The following AUTS2 variants were observed in gnomAD, a reference collection of about 807,000 sequenced individuals.
The protein encoded by AUTS2 is activator of transcription and developmental regulator AUTS2, also known as autism susceptibility gene 2 protein.
In AUTS2, 17 loss-of-function variants were observed where a neutral mutation model predicts 112.4. The observed-to-expected ratio is 0.15, with a 90% CI of 0.10 to 0.23. The LOEUF is 0.23. Ranked by LOEUF, AUTS2 falls within the 10% of genes least tolerant of loss-of-function variation. The pLI, the probability that AUTS2 is intolerant of heterozygous loss-of-function variation, is 1.00. For synonymous variants in AUTS2, 751 were observed against 702.7 expected, an observed-to-expected ratio of 1.07 and a Z score of -1.09; for missense variants, 1,510 against 1,701.6, an observed-to-expected ratio of 0.89 and a Z score of 1.98.
intron 5 of AUTS2, among the ~76,000 whole-genome samples, chr7:70,470,304 A>G (rs1797330549): frequency 6.6e-6 from 1 of 152,228 alleles, no homozygotes. Flanking sequence ...AAGGAGCATC[A>G]GTGAACCAGT....
At chr7:69,730,819 A>G (rs949280741) in intron 1 of AUTS2, among the ~76,000 whole-genome samples, 4 of 152,214 alleles carry the variant, frequency 2.6e-5, no homozygotes, top group Admixed American at 6.5e-5. Context: ...AAAATGAACC[A>G]CCATGCTATT....
At chr7:70,680,215 T>C (rs1808137283) in intron 5 of AUTS2, among the ~76,000 whole-genome samples, 1 of 152,202 alleles carries the variant, frequency 6.6e-6, no homozygotes, top group South Asian at 2.1e-4. Context: ...AAAATATTTA[T>C]TTTTCAGCAC....
At chr7:69,828,486 C>A (rs184489795) in intron 1 of AUTS2, among the ~76,000 whole-genome samples, 10 of 152,190 alleles carry the variant, frequency 6.6e-5, no homozygotes, top group African/African-American at 1.9e-4. Flanking sequence ...ATTGATCAGC[C>A]TGAGTCCATT....
chr7:70,592,588 C>T (rs3903244), intron 5 of AUTS2, among the ~76,000 whole-genome samples: 34,286 of 151,968 alleles, frequency 0.23, 4,193 homozygotes, highest in Middle Eastern at 0.31. Flanking sequence ...TCTCGAACTC[C>T]TGACCTCAAA....
At chr7:70,725,818 G>C (rs1268283409) in intron 6 of AUTS2, among the ~76,000 whole-genome samples, 1 of 152,090 alleles carries the variant, frequency 6.6e-6, no homozygotes. Flanking sequence ...GTCCTTAATT[G>C]TCCTCCCCTT....
At chr7:70,570,073 C>T (rs1209445010) in intron 5 of AUTS2, among the ~76,000 whole-genome samples, 1 of 152,124 alleles carries the variant, frequency 6.6e-6, no homozygotes, top group Non-Finnish European at 1.5e-5. Flanking sequence ...GTGCTTATAC[C>T]TTGTTTTAAT....
chr7:70,645,107 T>C (rs1295700986), intron 5 of AUTS2, among the ~76,000 whole-genome samples: 3 of 152,206 alleles, frequency 2.0e-5, no homozygotes, highest in Non-Finnish European at 4.4e-5. Flanking sequence ...ATTTCCTTCA[T>C]CTTCCTTCAG....
At chr7:69,967,255 G>T (rs1422616647) in intron 2 of AUTS2, among the ~76,000 whole-genome samples, 1 of 152,116 alleles carries the variant, frequency 6.6e-6, no homozygotes, top group Non-Finnish European at 1.5e-5. Flanking sequence ...GGGGAGTGCT[G>T]GAATTCATTA....
At position 69,914,342 on chromosome 7, in the gene AUTS2, GAC is replaced by G. The variant is rs372734634; in HGVS notation, c.522+14856_522+14857del. On this transcript the variant is annotated intron_variant, in intron 2 of 18. Coordinates refer to ENST00000342771, the MANE Select transcript of AUTS2 (RefSeq NM_015570.4). ...AAAAAAAAGCACACACACAGACACA[GAC>G]ACACACACACAGACACACACACACA... 1.5e-3 allele frequency among the ~76,000 whole-genome samples: 130 copies of G among 85,622 alleles called. 1 individual carries two copies. The highest frequency in any genetic ancestry group is 1.4e-3 in the Non-Finnish European group (61 of 42,808). The allele number at this position is 85,622 out of a possible 152,430, so 56.2% of individuals were successfully genotyped here.
chr7:70,676,265 C>T (rs537077609), intron 5 of AUTS2, among the ~76,000 whole-genome samples: 1 of 149,962 alleles, frequency 6.7e-6, no homozygotes, highest in African/African-American at 2.5e-5. Flanking sequence ...ACATGGAAAA[C>T]CCCATGTCTA....
chr7:70,440,020 C>G (rs1275022305), intron 5 of AUTS2, among the ~76,000 whole-genome samples: 1 of 152,060 alleles, frequency 6.6e-6, no homozygotes, highest in South Asian at 2.1e-4. Flanking sequence ...TGTGGACAAG[C>G]CTTGGCTTTC....
intron 4 of AUTS2, among the ~76,000 whole-genome samples, chr7:70,373,712 C>T (rs1792951576): frequency 6.6e-6 from 1 of 152,090 alleles, no homozygotes; most frequent in Non-Finnish European, 1.5e-5. Context: ...CTTTTTTTCT[C>T]ATTACAAAAT....
Position 70,134,547 on chromosome 7 carries a change from T to A in AUTS2, c.636T>A (p.Pro212=). Residue 212 remains proline, a synonymous_variant, in exon 4 of 19, where the codon CCT becomes CCA. Transcript: ENST00000342771. ...SRERLSDSSA[P]SSLGTGYFCD... Reference sequence around the variant, plus strand: ...ATGCTTTATTGCAGAGTTCAGCTCCTTCCAGCTTGGGAACAGGCTACTTCG... The same window carrying A: ...ATGCTTTATTGCAGAGTTCAGCTCCATCCAGCTTGGGAACAGGCTACTTCG... The A allele has an allele frequency of 1.2e-6, 2 of 1,613,900 alleles. No homozygotes were observed. Among genetic ancestry groups the A allele is most frequent in the Non-Finnish European group, 1.7e-6 (2 of 1,179,784 alleles).
chr7:70,371,283 C>T (rs1043725864), intron 4 of AUTS2, among the ~76,000 whole-genome samples: 2 of 152,210 alleles, frequency 1.3e-5, no homozygotes, highest in African/African-American at 4.8e-5. Flanking sequence ...AAAATCTCCT[C>T]ACATGATTCT....
At chr7:70,411,215 G>T (rs1028089093) in intron 4 of AUTS2, among the ~76,000 whole-genome samples, 1 of 152,152 alleles carries the variant, frequency 6.6e-6, no homozygotes, top group Admixed American at 6.5e-5. Context: ...AAAAAAAATG[G>T]GATTCTCCTT....
chr7:70,416,281 C>A (rs1249756108), intron 4 of AUTS2, among the ~76,000 whole-genome samples: 1 of 152,182 alleles, frequency 6.6e-6, no homozygotes, highest in Non-Finnish European at 1.5e-5. Flanking sequence ...CAACCCATCA[C>A]ACTTTGGAAA....
intron 10 of AUTS2, among the ~76,000 whole-genome samples, chr7:70,770,619 A>G (rs1356219764): frequency 6.6e-6 from 1 of 152,160 alleles, no homozygotes; most frequent in Non-Finnish European, 1.5e-5. Context: ...GTGTCCTTTT[A>G]TAGGCTGTTG....
At chr7:70,196,544 G>A (rs1041831900) in intron 4 of AUTS2, among the ~76,000 whole-genome samples, 10 of 152,324 alleles carry the variant, frequency 6.6e-5, no homozygotes, top group South Asian at 4.1e-4. Context: ...TTCTCTAGGC[G>A]TCTGGATATA....
chr7:70,461,570 A>G (rs1271767457), intron 5 of AUTS2, among the ~76,000 whole-genome samples: 1 of 152,192 alleles, frequency 6.6e-6, no homozygotes, highest in Non-Finnish European at 1.5e-5. Context: ...GATAATGTTA[A>G]TACTAGTAAT....
Sources: gnomAD v4.1 joint callset for allele counts (sites outside exome capture counted in the v4.1 genomes callset) on GRCh38, gnomAD v4.1.1 for gene constraint, MANE v1.5 for transcripts, NCBI Gene and HGNC (gene_info 2026-07-23, HGNC 2026-07-21) for gene names.